The following CNTN1 variants were observed in gnomAD, a reference collection of about 807,000 sequenced individuals.
CNTN1 encodes the protein contactin 1.
A neutral mutation model predicts 126.4 loss-of-function variants in CNTN1; 38 were observed. That is an observed-to-expected ratio of 0.30 (90% confidence interval 0.23 to 0.39). The LOEUF (loss-of-function observed/expected upper bound fraction) is 0.39, where lower values mean the gene tolerates loss of function less well. Among genes scored for constraint, CNTN1 ranks in the 10% least tolerant of loss-of-function variants. The probability of loss-of-function intolerance (pLI) is 1.00; values close to 1 mark genes in which losing one functional copy is unlikely to be tolerated. For synonymous variants in CNTN1, 413 were observed against 422.6 expected (o/e 0.98, Z 0.28); for missense variants, 1,009 against 1,248.4 (o/e 0.81, Z 2.89).
intron 1 of CNTN1, among the ~76,000 whole-genome samples, chr12:40,879,982 T>G (rs1943817463): frequency 6.6e-6 from 1 of 152,110 alleles, no homozygotes; most frequent in African/African-American, 2.4e-5. Context: ...GAATAAAGAT[T>G]GTGAAAAATG....
chr12:40,839,332 AAAC>A (rs1462905591), intron 1 of CNTN1, among the ~76,000 whole-genome samples: 1 of 150,788 alleles, frequency 6.6e-6, no homozygotes, highest in Non-Finnish European at 1.5e-5. Flanking sequence ...AAGGGTGAAG[AAAC>A]AACAACAAAA....
chr12:40,991,611 C>A (rs11179346), intron 16 of CNTN1, among the ~76,000 whole-genome samples: 15,546 of 152,120 alleles, frequency 0.1, 906 homozygotes, highest in Non-Finnish European at 0.13. Flanking sequence ...GGGTGGATCA[C>A]GAGGTCAGGA....
chr12:40,933,598 T>C (rs761240540), intron 8 of CNTN1, 38 bp downstream of exon 8: 4 of 1,514,454 alleles, frequency 2.6e-6, no homozygotes, highest in Non-Finnish European at 3.7e-6. Context: ...TATATAGAAA[T>C]AGTACCATTT....
intron 1 of CNTN1, among the ~76,000 whole-genome samples, chr12:40,847,989 ATGC>A (rs1179134106): frequency 1.3e-5 from 2 of 152,194 alleles, no homozygotes; most frequent in African/African-American, 4.8e-5. Context: ...TGAGAATCTA[ATGC>A]TGCCACTGAT....
chr12:40,732,356 A>C (rs905040878), intron 1 of CNTN1, among the ~76,000 whole-genome samples: 1 of 152,094 alleles, frequency 6.6e-6, no homozygotes, highest in African/African-American at 2.4e-5. Flanking sequence ...ACATTCCCGC[A>C]TAAAAGTTTG....
chr12:40,991,144 C>G (rs1450833267), intron 16 of CNTN1, among the ~76,000 whole-genome samples: 1 of 152,170 alleles, frequency 6.6e-6, no homozygotes, highest in Non-Finnish European at 1.5e-5. Context: ...TGCATCCTCT[C>G]CAAAGGCTCC....
chr12:40,867,689 T>C (rs1229992364), intron 1 of CNTN1, among the ~76,000 whole-genome samples: 1 of 152,078 alleles, frequency 6.6e-6, no homozygotes, highest in African/African-American at 2.4e-5. Flanking sequence ...TTTTGAAGTT[T>C]TTCTGCTCTG....
intron 10 of CNTN1, 145 bp downstream of exon 10, chr12:40,937,050 A>G: frequency 1.0e-6 from 1 of 981,918 alleles, no homozygotes; most frequent in Middle Eastern, 2.1e-4. Flanking sequence ...AAAGACAAAA[A>G]CTGAACATAA....
At chr12:40,717,748 G>A (rs566996242) in intron 1 of CNTN1, among the ~76,000 whole-genome samples, 27 of 152,234 alleles carry the variant, frequency 1.8e-4, no homozygotes, top group African/African-American at 6.3e-4. Context: ...GGGCACCACT[G>A]GATAAAATTG....
chr12:41,018,529 T>C lies in CNTN1; in HGVS notation c.2419+1613T>C, dbSNP rs555928076. On this transcript the variant is annotated intron_variant, in intron 19 of 23. Coordinates refer to ENST00000551295, the MANE Select transcript of CNTN1 (RefSeq NM_001843.4). The stretch of plus-strand genomic sequence containing the variant: ...TATATATGTATGTCATAATACCATG[T>C]CATATGTCTTAAATATACATAACAA... 7.9e-5 allele frequency among the ~76,000 whole-genome samples: 12 copies of C among 152,090 alleles called. No individual in the cohort carries two copies. In the East Asian group the frequency reaches 2.3e-3, roughly 29 times the overall value.
intron 23 of CNTN1, among the ~76,000 whole-genome samples, chr12:41,062,326 A>G (rs1360256155): frequency 1.3e-5 from 2 of 152,212 alleles, no homozygotes; most frequent in African/African-American, 2.4e-5. Context: ...ATTTTGATAT[A>G]TAGTTCAAAG....
intron 1 of CNTN1, among the ~76,000 whole-genome samples, chr12:40,905,614 GTAA>G (rs143021496): frequency 0.1 from 15,369 of 151,966 alleles, 848 homozygotes; most frequent in Non-Finnish European, 0.12. Flanking sequence ...TAGGATTTGT[GTAA>G]TAATAATAAA....
intron 1 of CNTN1, among the ~76,000 whole-genome samples, chr12:40,837,631 C>G (rs751287886): frequency 3.9e-5 from 6 of 152,154 alleles, no homozygotes; most frequent in African/African-American, 9.7e-5. Flanking sequence ...TTTCTGTTGT[C>G]CTGGGGTGCA....
At chr12:40,769,074 T>C (rs866760590) in intron 1 of CNTN1, among the ~76,000 whole-genome samples, 7 of 152,174 alleles carry the variant, frequency 4.6e-5, no homozygotes, top group Admixed American at 3.9e-4. Flanking sequence ...GTGGGTATAA[T>C]TGCTTTCTAG....
intron 1 of CNTN1, among the ~76,000 whole-genome samples, chr12:40,818,057 T>G (rs1941315244): frequency 6.6e-6 from 1 of 152,204 alleles, no homozygotes; most frequent in South Asian, 2.1e-4. Context: ...GGCTTCCCTT[T>G]GTAGGTGACC....
At chr12:40,841,494 A>G (rs1345821003) in intron 1 of CNTN1, among the ~76,000 whole-genome samples, 1 of 152,016 alleles carries the variant, frequency 6.6e-6, no homozygotes, top group Non-Finnish European at 1.5e-5. Flanking sequence ...GAAATCCCTA[A>G]TATGTCTAAG....
rs114175630 is a variant in CNTN1, at chr12:40,871,594, C to T, written c.-76-36763C>T. On this transcript the variant is annotated intron_variant, in intron 1 of 23. Coordinates refer to ENST00000551295, the MANE Select transcript of CNTN1 (RefSeq NM_001843.4). ...TCTGTTTTGTGCTTGATCAACTGAG[C>T]GAATGTTAGTTTCATTCTCTGAAAT... 9.1e-3 allele frequency among the ~76,000 whole-genome samples: 1,379 copies of T among 152,102 alleles called. 21 individuals carry two copies. The highest frequency in any genetic ancestry group is 0.032 in the African/African-American group (1,311 of 41,470).
intron 14 of CNTN1, among the ~76,000 whole-genome samples, chr12:40,958,570 A>G (rs960158595): frequency 2.0e-5 from 3 of 152,060 alleles, no homozygotes; most frequent in African/African-American, 7.2e-5. Context: ...AACAAAACAA[A>G]TACTCTTGTC....
At chr12:40,935,233 A>G (rs1385945764) in intron 9 of CNTN1, among the ~76,000 whole-genome samples, 1 of 152,070 alleles carries the variant, frequency 6.6e-6, no homozygotes, top group East Asian at 1.9e-4. Flanking sequence ...AAAGGAAGAA[A>G]ATACTAGGTA....
Sources: allele counts gnomAD v4.1 joint callset (sites outside exome capture counted in the v4.1 genomes callset), GRCh38; gene constraint gnomAD v4.1.1; transcripts MANE v1.5; gene names NCBI Gene and HGNC (gene_info 2026-07-23, HGNC 2026-07-21).